The following NOD2 variants were observed in gnomAD, a reference collection of about 807,000 sequenced individuals.
NOD2 encodes the protein nucleotide binding oligomerization domain containing 2.
A neutral mutation model predicts 90.9 loss-of-function variants in NOD2; 86 were observed. The observed-to-expected ratio is 0.95, with a 90% CI of 0.79 to 1.13. The LOEUF (loss-of-function observed/expected upper bound fraction) is 1.13. NOD2 is among the 50% of genes most tolerant of loss of function. NOD2 has a pLI of 0.00. For missense variants in NOD2, 1,238 were observed against 1,283.8 expected, an observed-to-expected ratio of 0.96 and a Z score of 0.55; for synonymous variants, 581 against 554.6, an observed-to-expected ratio of 1.05 and a Z score of -0.67.
Position 50,699,956 on chromosome 16 carries a change from T to C in NOD2, c.459+2T>C, listed in dbSNP as rs1188319959. On this transcript the variant is annotated splice_donor_variant, in intron 2 of 11. Coordinates refer to ENST00000647318, the MANE Select transcript of NOD2 (RefSeq NM_001370466.1). LOFTEE classifies it high-confidence loss of function. ...CCGATCTTCACACCGTCCCAGAGGG[T>C]GAGGCACTCCTGGTGTGCATCACAG... 6.2e-7 allele frequency: 1 copy of C among 1,603,680 alleles called. No homozygotes were observed.
intron 3 of NOD2, among the ~76,000 whole-genome samples, chr16:50,708,788 C>G (rs184551304): frequency 5.6e-4 from 86 of 152,346 alleles, no homozygotes; most frequent in African/African-American, 2.0e-3. Flanking sequence ...CTCTGGGCAG[C>G]AAGCAAGCCT....
At chr16:50,726,869 A>C (rs545421603) in intron 10 of NOD2, among the ~76,000 whole-genome samples, 76 of 152,314 alleles carry the variant, frequency 5.0e-4, no homozygotes, top group African/African-American at 1.8e-3. Context: ...TGCTGGGTGC[A>C]GTGGCTCACA....
At chr16:50,726,893 C>A (rs754715218) in intron 10 of NOD2, among the ~76,000 whole-genome samples, 2 of 152,184 alleles carry the variant, frequency 1.3e-5, no homozygotes, top group Non-Finnish European at 2.9e-5. Context: ...GTAATCCCAG[C>A]ACTTTGGGAG....
rs555745875 is a variant in NOD2 at position 50,731,651 on chromosome 16, A to T, written c.2970-96A>T. 25 of 873,472 alleles carry T rather than the reference A, an allele frequency of 2.9e-5. No homozygotes were observed. In the South Asian group the frequency reaches 3.0e-4, roughly 10 times the overall value. The allele number at this position is 873,472 out of a possible 1,614,324, so 54.1% of individuals were successfully genotyped here. ...TGCAGCTGGGCCAGAGAGTCAGCCC[A>T]TCCCAGGCATGGGTTTAAAAAGTGG... On this transcript the variant is annotated intron_variant, in intron 11 of 11. Coordinates refer to ENST00000647318, the MANE Select transcript of NOD2 (RefSeq NM_001370466.1).
chr16:50,718,855 C>T (rs749323466), intron 6 of NOD2, among the ~76,000 whole-genome samples: 6 of 152,126 alleles, frequency 3.9e-5, no homozygotes, highest in Non-Finnish European at 5.9e-5. Flanking sequence ...TATGTGAGTC[C>T]GGTCCTCCAA....
At chr16:50,703,293 G>T (rs1224928865) in intron 2 of NOD2, among the ~76,000 whole-genome samples, 1 of 152,012 alleles carries the variant, frequency 6.6e-6, no homozygotes, top group Non-Finnish European at 1.5e-5. Flanking sequence ...ATAATGTATT[G>T]TTCTATTTTG....
chr16:50,726,330 TGTG>T (rs1479987069), intron 10 of NOD2, among the ~76,000 whole-genome samples: 2 of 152,166 alleles, frequency 1.3e-5, no homozygotes, highest in Admixed American at 6.5e-5. Flanking sequence ...CCTAGGCAAA[TGTG>T]GTCCTAGGAA....
chr16:50,704,164 C>T (rs554760511), intron 2 of NOD2, among the ~76,000 whole-genome samples: 77 of 152,338 alleles, frequency 5.1e-4, no homozygotes, highest in African/African-American at 1.8e-3. Context: ...CTGCCCTCAA[C>T]TTGTTTGAAT....
chr16:50,696,722 T>A (rs1159058578), intron 1 of NOD2, among the ~76,000 whole-genome samples: 1 of 152,224 alleles, frequency 6.6e-6, no homozygotes, highest in East Asian at 1.9e-4. Flanking sequence ...AGACAGGGCC[T>A]GGCTGAATTG....
chr16:50,722,287 A>T (rs1359366321), intron 7 of NOD2, among the ~76,000 whole-genome samples: 1 of 152,274 alleles, frequency 6.6e-6, no homozygotes, highest in Non-Finnish European at 1.5e-5. Context: ...CAGGAAGCGT[A>T]TCTGAACTAA....
Position 50,711,602 on chromosome 16 carries a change from T to C in NOD2, c.1610T>C (p.Val537Ala). The C allele has an allele frequency of 6.2e-7, 1 of 1,611,618 alleles. No individual in the cohort carries two copies. Among genetic ancestry groups the C allele is most frequent in the Non-Finnish European group, 8.5e-7 (1 of 1,179,994 alleles). ...TGGGGCCTGGGCATGTGCTGCTACG[T>C]GTTCTCAGCCCAGCAGCTCCAGGCA... ...ALWGLGMCCY[V>A]FSAQQLQAAQ... Residue 537 changes from valine (V) to alanine (A), a missense_variant, in exon 4 of 12, where the codon GTG becomes GCG. Coordinates refer to ENST00000647318, the MANE Select transcript of NOD2 (RefSeq NM_001370466.1).
intron 6 of NOD2, among the ~76,000 whole-genome samples, chr16:50,719,435 C>T (rs1256910129): frequency 6.6e-6 from 1 of 152,144 alleles, no homozygotes; most frequent in African/African-American, 2.4e-5. Context: ...CTTGGCCCTC[C>T]CTCTCTCCTT....
chr16:50,727,507 A>G lies in NOD2; in HGVS notation c.2885+1935A>G, dbSNP rs566984833. On this transcript the variant is annotated intron_variant, in intron 10 of 11. Coordinates refer to ENST00000647318, the MANE Select transcript of NOD2 (RefSeq NM_001370466.1). ...AAATAAGTTTGTTTATTCCTGTAGC[A>G]TAAAAATTCATGCTTCGGGATTCAA... 2.9e-5 allele frequency: 7 copies of G among 239,276 alleles called. No individual in the cohort carries two copies. The East Asian group carries it at 7.6e-4, about 26-fold the overall frequency. 14.8% of individuals were successfully genotyped at this position (239,276 alleles called of 1,614,324 possible).
At chr16:50,709,547 A>G (rs964660969) in intron 3 of NOD2, among the ~76,000 whole-genome samples, 11 of 152,082 alleles carry the variant, frequency 7.2e-5, no homozygotes, top group Non-Finnish European at 1.0e-4. Flanking sequence ...CGTGCATGAA[A>G]ACTCTCCCTG....
At chr16:50,714,808 G>T (rs1964710034) in intron 4 of NOD2, among the ~76,000 whole-genome samples, 1 of 151,954 alleles carries the variant, frequency 6.6e-6, no homozygotes, top group East Asian at 1.9e-4. Context: ...CCCTATATAG[G>T]TTTCTTTAGA....
chr16:50,730,003 C>T, intron 11 of NOD2, 102 bp downstream of exon 11: 2 of 774,796 alleles, frequency 2.6e-6, no homozygotes, highest in East Asian at 5.5e-5. Context: ...TTGAGGATCC[C>T]TTCTGATTCT....
rs1197458463 is a variant in NOD2 at position 50,699,814 on chromosome 16, C to T, written c.319C>T (p.Leu107=). ...DPHSLHPARD[L]QSHRPAIVRR... ...CCACTCGCTCCACCCAGCCCGAGAC[C>T]TGCAGAGTCACCGGCCAGCCATTGT... The change falls in exon 2 of 12, where the codon CTG becomes TTG. Residue 107 remains leucine (L), a synonymous_variant. Coordinates refer to ENST00000647318, the MANE Select transcript of NOD2 (RefSeq NM_001370466.1). The T allele has an allele frequency of 6.2e-7, 1 of 1,613,722 alleles. No homozygotes were observed.
In NOD2 at chr16:50,710,813, CG is replaced by C. The variant is rs2150808087; in HGVS notation, c.824del (p.Gly275AlafsTer75). 6.2e-7 allele frequency: 1 copy of C among 1,614,074 alleles called. No homozygotes were observed. On this transcript the variant is annotated frameshift_variant, in exon 4 of 12. Coordinates refer to ENST00000647318, the MANE Select transcript of NOD2 (RefSeq NM_001370466.1). LOFTEE classifies it high-confidence loss of function. The part of the protein sequence containing the change: ...DADTVLVVGE[A>X]GSGKSTLLQR... ...GACACTGTGCTGGTGGTGGGTGAGG[CG>C]GGCAGTGGCAAGAGCACGCTCCTGC...
chr16:50,720,061 A>G, intron 7 of NOD2, 53 bp downstream of exon 7: 1 of 1,519,704 alleles, frequency 6.6e-7, no homozygotes, highest in South Asian at 1.1e-5. Flanking sequence ...GGGACTTTTG[A>G]GGATTTAGGG....
Sources: allele counts gnomAD v4.1 joint callset (sites outside exome capture counted in the v4.1 genomes callset), GRCh38; gene constraint gnomAD v4.1.1; transcripts MANE v1.5; gene names NCBI Gene and HGNC (gene_info 2026-07-23, HGNC 2026-07-21).